Variants in GRIK2 observed in about 807,000 individuals in gnomAD.
GRIK2 encodes glutamate ionotropic receptor kainate type subunit 2, also known as glutamate receptor ionotropic, kainate 2.
A neutral mutation model predicts 100.3 loss-of-function variants in GRIK2; 32 were observed. That is an observed-to-expected ratio of 0.32 (90% CI 0.24 to 0.43). The LOEUF (loss-of-function observed/expected upper bound fraction) is 0.43, where lower values mean the gene tolerates loss of function less well. Ranked by LOEUF, GRIK2 falls within the 20% of genes least tolerant of loss-of-function variation. GRIK2 has a pLI of 1.00. For synonymous variants in GRIK2, 417 were observed against 389.4 expected, an observed-to-expected ratio of 1.07 and a Z score of -0.83; for missense variants, 843 against 1,114.9, an observed-to-expected ratio of 0.76 and a Z score of 3.47.
chr6:101,484,923 G>T (rs780371934), intron 2 of GRIK2, among the ~76,000 whole-genome samples: 8 of 152,044 alleles, frequency 5.3e-5, no homozygotes, highest in Non-Finnish European at 1.2e-4. Context: ...CACTTTTATT[G>T]GCGTACCTGA....
intron 7 of GRIK2, 48 bp downstream of exon 7, chr6:101,686,401 T>G (rs1399474598): frequency 1.4e-6 from 2 of 1,393,700 alleles, no homozygotes; most frequent in Admixed American, 1.8e-5. Flanking sequence ...TAAATAGTAT[T>G]GCATACATAT....
At chr6:101,627,176 C>T (rs1251072037) in intron 4 of GRIK2, among the ~76,000 whole-genome samples, 1 of 151,558 alleles carries the variant, frequency 6.6e-6, no homozygotes, top group African/African-American at 2.4e-5. Context: ...TAGAGTCACT[C>T]TGTCGCCCAG....
chr6:101,452,957 T>A (rs940490390), intron 2 of GRIK2, among the ~76,000 whole-genome samples: 2 of 151,864 alleles, frequency 1.3e-5, no homozygotes, highest in Non-Finnish European at 2.9e-5. Flanking sequence ...ATTTTTTCAG[T>A]AACTTTGCAT....
intron 10 of GRIK2, among the ~76,000 whole-genome samples, chr6:101,836,111 T>C (rs1179173123): frequency 6.6e-6 from 1 of 151,844 alleles, no homozygotes; most frequent in Non-Finnish European, 1.5e-5. Flanking sequence ...TTTCTGCTGT[T>C]GCAGTTGTTC....
At chr6:101,770,161 G>A (rs565743479) in intron 7 of GRIK2, among the ~76,000 whole-genome samples, 3 of 152,146 alleles carry the variant, frequency 2.0e-5, no homozygotes, top group East Asian at 1.9e-4. Flanking sequence ...CAAGTCTATC[G>A]TTACTGCCTT....
intron 2 of GRIK2, among the ~76,000 whole-genome samples, chr6:101,613,953 G>T (rs1483605613): frequency 6.6e-6 from 1 of 151,582 alleles, no homozygotes; most frequent in East Asian, 1.9e-4. Flanking sequence ...AAAAACTTTA[G>T]GAAAACAGGG....
intron 11 of GRIK2, among the ~76,000 whole-genome samples, chr6:101,888,307 G>A (rs900436686): frequency 2.0e-5 from 3 of 152,018 alleles, no homozygotes; most frequent in Non-Finnish European, 4.4e-5. Context: ...ACTTCGCAAG[G>A]TTTCATTTTC....
At chr6:101,904,579 A>G (rs977951375) in intron 12 of GRIK2, among the ~76,000 whole-genome samples, 2 of 151,490 alleles carry the variant, frequency 1.3e-5, no homozygotes. Context: ...CAAAAAGATA[A>G]TCATTGGATA....
intron 2 of GRIK2, among the ~76,000 whole-genome samples, chr6:101,468,019 C>T (rs1323000241): frequency 6.6e-6 from 1 of 151,898 alleles, no homozygotes; most frequent in East Asian, 1.9e-4. Flanking sequence ...CTCTACCCAA[C>T]AGACCTATCC....
intron 2 of GRIK2, among the ~76,000 whole-genome samples, chr6:101,527,928 T>G (rs778702565): frequency 3.9e-5 from 6 of 152,128 alleles, no homozygotes; most frequent in Non-Finnish European, 7.3e-5. Context: ...GGTTAATTAT[T>G]CCAAAGGACA....
intron 4 of GRIK2, among the ~76,000 whole-genome samples, chr6:101,646,676 T>G (rs1308718844): frequency 1.3e-5 from 2 of 151,974 alleles, no homozygotes; most frequent in East Asian, 3.9e-4. Context: ...TTGCAAAAGA[T>G]ATCACCACAG....
In GRIK2 at chr6:101,510,521, T is replaced by G. The variant is rs968165347; in HGVS notation, c.115+111129T>G. 7.7e-4 allele frequency among the ~76,000 whole-genome samples: 106 copies of G among 138,170 alleles called. 2 individuals carry two copies. Among genetic ancestry groups the G allele is most frequent in the Middle Eastern group, 7.1e-3 (2 of 282 alleles). The allele number at this position is 138,170 out of a possible 152,430, so 90.6% of individuals were successfully genotyped here. Reference sequence around the variant, plus strand: ...ATCCCAGTTGGGGAGTTTTTTTTTTTTTTTTTTTTTTTTTTTTTTGAGATT... The same window carrying G: ...ATCCCAGTTGGGGAGTTTTTTTTTTGTTTTTTTTTTTTTTTTTTTGAGATT... On this transcript the variant is annotated intron_variant, in intron 2 of 16. Coordinates refer to ENST00000369134, the MANE Select transcript of GRIK2 (RefSeq NM_021956.5).
chr6:101,520,883 TG>T, intron 2 of GRIK2, among the ~76,000 whole-genome samples: 1 of 152,230 alleles, frequency 6.6e-6, no homozygotes, highest in African/African-American at 2.4e-5. Context: ...ATTGTTTTCA[TG>T]GAAAATATAT....
chr6:101,979,735 A>G lies in GRIK2; in HGVS notation c.2085+51103A>G, dbSNP rs893018007. Reference sequence around the variant, plus strand: ...TCTTGGTGATAGAGGGACACGAAAAAGTGTAATTTGTCTAAGTTAGACATT... The same window carrying G: ...TCTTGGTGATAGAGGGACACGAAAAGGTGTAATTTGTCTAAGTTAGACATT... On this transcript the variant is annotated intron_variant, in intron 14 of 16. Coordinates refer to ENST00000369134, the MANE Select transcript of GRIK2 (RefSeq NM_021956.5). Among the ~76,000 whole-genome samples the G allele has an allele frequency of 2.6e-5, 4 of 151,950 alleles. No individual in the cohort carries two copies. The South Asian group carries it at 8.3e-4, about 31-fold the overall frequency.
chr6:101,693,785 C>G (rs1772277809), intron 7 of GRIK2, among the ~76,000 whole-genome samples: 1 of 151,678 alleles, frequency 6.6e-6, no homozygotes. Flanking sequence ...ATATATGTGA[C>G]TATATCATAT....
intron 2 of GRIK2, among the ~76,000 whole-genome samples, chr6:101,507,888 T>C (rs975430342): frequency 3.3e-5 from 5 of 152,286 alleles, no homozygotes; most frequent in African/African-American, 1.2e-4. Flanking sequence ...CAAGAGTTAG[T>C]GTTATCATTA....
intron 7 of GRIK2, among the ~76,000 whole-genome samples, chr6:101,774,839 A>G (rs1778642191): frequency 6.7e-6 from 1 of 149,242 alleles, no homozygotes; most frequent in South Asian, 2.2e-4. Flanking sequence ...CTGCTTGCGG[A>G]ATGGTACATT....
At chr6:101,507,230 C>T (rs536681750) in intron 2 of GRIK2, among the ~76,000 whole-genome samples, 1 of 152,068 alleles carries the variant, frequency 6.6e-6, no homozygotes, top group East Asian at 1.9e-4. Flanking sequence ...TTTATATTAA[C>T]CAAAAATATA....
chr6:101,413,066 A>C (rs2128238399), intron 2 of GRIK2, among the ~76,000 whole-genome samples: 1 of 152,146 alleles, frequency 6.6e-6, no homozygotes. Flanking sequence ...ACTAGGATAG[A>C]ATTTTACCTA....
Sources: gnomAD v4.1 joint callset for allele counts (sites outside exome capture counted in the v4.1 genomes callset) on GRCh38, gnomAD v4.1.1 for gene constraint, MANE v1.5 for transcripts, NCBI Gene and HGNC (gene_info 2026-07-23, HGNC 2026-07-21) for gene names.